The following PZP variants were observed in gnomAD, a reference collection of about 807,000 sequenced individuals.
The protein encoded by PZP is pregnancy zone protein.
A neutral mutation model predicts 179.8 loss-of-function variants in PZP; 150 were observed. The ratio of observed to expected loss-of-function variants is 0.83; its 90% CI spans 0.73 to 0.96. The LOEUF is 0.96. Among genes scored for constraint, PZP ranks in the 40% least tolerant of loss-of-function variants. The probability of loss-of-function intolerance (pLI) is 0.00; values close to 1 mark genes in which losing one functional copy is unlikely to be tolerated. For synonymous variants in PZP, 624 were observed against 652.3 expected (o/e 0.96, Z 0.66); for missense variants, 1,689 against 1,764.0 (o/e 0.96, Z 0.76).
chr12:9,158,704 G>T, intron 25 of PZP, 128 bp from the exon 26 acceptor site: 2 of 875,264 alleles, frequency 2.3e-6, no homozygotes. Flanking sequence ...CTGAGAGTTT[G>T]GAGACTTTTT....
intron 13 of PZP, among the ~76,000 whole-genome samples, chr12:9,183,631 G>A (rs187559121): frequency 7.2e-5 from 11 of 152,166 alleles, no homozygotes; most frequent in Middle Eastern, 3.4e-3. Context: ...CAAACTCCTC[G>A]GTTCAAGCAA....
At position 9,161,013 on chromosome 12, in the gene PZP, C is replaced by T. The variant is rs754505523; in HGVS notation, c.2872+20G>A. Reference sequence around the variant, plus strand: ...TGGCAACTCTTTTGGCCCAGGTTTACTAAATGGAAGGTGACTCACCCAGAA... The same window carrying T: ...TGGCAACTCTTTTGGCCCAGGTTTATTAAATGGAAGGTGACTCACCCAGAA... On this transcript the variant is annotated intron_variant, in intron 23 of 35. Coordinates refer to ENST00000261336, the MANE Select transcript of PZP (RefSeq NM_002864.3). 1.3e-6 allele frequency: 2 copies of T among 1,538,150 alleles called. No homozygotes were observed. Among genetic ancestry groups the T allele is most frequent in the Non-Finnish European group, 1.8e-6 (2 of 1,110,960 alleles).
In PZP at chr12:9,165,483, C is replaced by T. The variant is rs143250691; in HGVS notation, c.2259-116G>A. ...AACTGAATCCACTTAAGGGTATATGCGAGTGTGCATTCGTGTGAACACTAG... is the reference window on the plus strand; with the variant it reads ...AACTGAATCCACTTAAGGGTATATGTGAGTGTGCATTCGTGTGAACACTAG... On this transcript the variant is annotated intron_variant, in intron 18 of 35. Coordinates refer to ENST00000261336, the MANE Select transcript of PZP (RefSeq NM_002864.3). 12 of 1,176,944 alleles carry T rather than the reference C, an allele frequency of 1.0e-5. No individual in the cohort carries two copies. The African/African-American group carries it at 1.1e-4, about 10-fold the overall frequency. The allele number at this position is 1,176,944 out of a possible 1,614,324, so 72.9% of individuals were successfully genotyped here.
At chr12:9,150,949 A>C (rs1171818200) in intron 33 of PZP, among the ~76,000 whole-genome samples, 2 of 152,214 alleles carry the variant, frequency 1.3e-5, no homozygotes, top group Admixed American at 1.3e-4. Flanking sequence ...TTTCTTCTAA[A>C]CAACTGAGCC....
At chr12:9,148,608 G>A (rs1466811978), downstream of PZP, among the ~76,000 whole-genome samples, 3 of 151,832 alleles carry the variant, frequency 2.0e-5, no homozygotes, top group Non-Finnish European at 4.4e-5. Context: ...GACCCTTCCA[G>A]TCCAGTTATA....
chr12:9,202,898 T>C (rs763556414), intron 2 of PZP, among the ~76,000 whole-genome samples: 2 of 152,096 alleles, frequency 1.3e-5, no homozygotes, highest in Non-Finnish European at 2.9e-5. Flanking sequence ...CTCCATGGAG[T>C]TCACCTAGAG....
rs771679690 is a variant in PZP, at chr12:9,152,275, A to G, written c.4157T>C (p.Ile1386Thr). The G allele has an allele frequency of 6.2e-6, 10 of 1,613,272 alleles. No individual in the cohort carries two copies. Among genetic ancestry groups the G allele is most frequent in the South Asian group, 2.2e-5 (2 of 91,054 alleles). ...ACCAGATACCATCTTTACATCAACA[A>G]TCACCATATTGGAAGCAGGACGGTT... The part of the protein sequence containing the change: ...TGNRPASNMV[I>T]VDVKMVSGFI... The change falls in exon 32 of 36, where the codon ATT becomes ACT. Residue 1386 changes from isoleucine to threonine, a missense_variant. By Grantham distance (89) the Ile-to-Thr change is moderately conservative (BLOSUM62 -1). Coordinates refer to ENST00000261336, the MANE Select transcript of PZP (RefSeq NM_002864.3).
chr12:9,145,323 G>C (rs980537052), downstream of PZP, among the ~76,000 whole-genome samples: 2 of 151,718 alleles, frequency 1.3e-5, no homozygotes, highest in African/African-American at 4.8e-5. Flanking sequence ...TTAAATCTCT[G>C]TCTTTTGTGT....
intron 1 of PZP, among the ~76,000 whole-genome samples, chr12:9,204,724 T>A (rs898411222): frequency 6.6e-6 from 1 of 152,194 alleles, no homozygotes; most frequent in Non-Finnish European, 1.5e-5. Flanking sequence ...AATAATTTAA[T>A]ATTAGTATGT....
chr12:9,182,554 A>G (rs909534263), intron 13 of PZP, among the ~76,000 whole-genome samples: 4 of 152,242 alleles, frequency 2.6e-5, no homozygotes, highest in African/African-American at 9.6e-5. Flanking sequence ...GTATGTAAAA[A>G]AAAGTTCATA....
intron 2 of PZP, 56 bp from the exon 3 acceptor site, chr12:9,202,740 A>G (rs1944238438): frequency 2.6e-6 from 4 of 1,514,006 alleles, no homozygotes; most frequent in Non-Finnish European, 3.6e-6. Flanking sequence ...CTCCCTCTGC[A>G]TTCTTCAGTC....
the PZP span, among the ~76,000 whole-genome samples, chr12:9,138,864 G>A: frequency 6.7e-6 from 1 of 149,870 alleles, no homozygotes; most frequent in Non-Finnish European, 1.5e-5. Flanking sequence ...TCTAAATAAG[G>A]GTGTGTTAAT....
At position 9,160,924 on chromosome 12, in the gene PZP, A is replaced by G. The variant is rs781228783; in HGVS notation, c.2872+109T>C. ...AGCGAGACTCCATCTCAAAAAAATA[A>G]AAAAGAATAGCAGCTATCAAGAACT... On this transcript the variant is annotated intron_variant, in intron 23 of 35. Transcript: ENST00000261336. The G allele has an allele frequency of 1.1e-4, 106 of 968,962 alleles. No homozygotes were observed. The African/African-American group carries it at 1.5e-3, about 14-fold the overall frequency. The allele number at this position is 968,962 out of a possible 1,614,324, so 60.0% of individuals were successfully genotyped here. A position where few individuals can be genotyped will look rare whatever the true frequency, so the allele number is the denominator to read the frequency against.
chr12:9,143,844 A>G (rs1279105721), downstream of PZP, among the ~76,000 whole-genome samples: 3 of 152,132 alleles, frequency 2.0e-5, no homozygotes, highest in Non-Finnish European at 2.9e-5. Flanking sequence ...GGAATTTTGG[A>G]TTGTTGAGCA....
chr12:9,161,949 T>TTTG (rs746232727), intron 22 of PZP, among the ~76,000 whole-genome samples: 261 of 152,000 alleles, frequency 1.7e-3, no homozygotes, highest in African/African-American at 6.1e-3. Flanking sequence ...GTCTTTAGTT[T>TTTG]TTGTTGTTGT....
At chr12:9,182,166 G>A in intron 13 of PZP, 49 bp from the exon 14 acceptor site, 1 of 1,548,346 alleles carries the variant, frequency 6.5e-7, no homozygotes, top group Middle Eastern at 1.7e-4. Flanking sequence ...GAGACAAAAA[G>A]GTCATAAAAA....
chr12:9,179,489 T>G (rs1303882281), intron 15 of PZP, among the ~76,000 whole-genome samples: 1 of 152,214 alleles, frequency 6.6e-6, no homozygotes, highest in Non-Finnish European at 1.5e-5. Flanking sequence ...ATAATTAAAA[T>G]TTTAGTCTGT....
chr12:9,173,899 A>C lies in PZP; in HGVS notation c.1840-4308T>G, dbSNP rs764333904. On this transcript the variant is annotated intron_variant, in intron 15 of 35. Coordinates refer to ENST00000261336, the MANE Select transcript of PZP (RefSeq NM_002864.3). The stretch of plus-strand genomic sequence containing the variant: ...TGCACAGCTGAATTCTACCATAGGT[A>C]CAAAGAAGAGCTGGTACCATTTCTA... 6.3e-4 allele frequency among the ~76,000 whole-genome samples: 96 copies of C among 152,220 alleles called. 1 individual carries two copies. Among genetic ancestry groups the C allele is most frequent in the Admixed American group, 4.8e-3 (73 of 15,284 alleles).
At chr12:9,180,520 G>A (rs770426836) in intron 15 of PZP, among the ~76,000 whole-genome samples, 4 of 152,214 alleles carry the variant, frequency 2.6e-5, no homozygotes, top group Admixed American at 6.5e-5. Context: ...TCTGATCTTC[G>A]ACAAACCTGA....
Sources: allele counts gnomAD v4.1 joint callset (sites outside exome capture counted in the v4.1 genomes callset), GRCh38; gene constraint gnomAD v4.1.1; transcripts MANE v1.5; gene names NCBI Gene and HGNC (gene_info 2026-07-23, HGNC 2026-07-21).